Variants in NF1 observed in about 807,000 individuals in gnomAD.
NF1 encodes the protein neurofibromin.
In NF1, 122 loss-of-function variants were observed where a neutral mutation model predicts 325.7. That is an observed-to-expected ratio of 0.37 (90% CI 0.32 to 0.44). The LOEUF is 0.44. Ranked by LOEUF, NF1 falls within the 20% of genes least tolerant of loss-of-function variation. The pLI, the probability that NF1 is intolerant of heterozygous loss-of-function variation, is 1.00. For missense variants in NF1, 2,140 were observed against 3,415.4 expected (o/e 0.63, Z 9.31); for synonymous variants, 1,091 against 1,186.0 (o/e 0.92, Z 1.65).
intron 27 of NF1, among the ~76,000 whole-genome samples, chr17:31,235,388 G>C (rs1202347001): frequency 6.6e-6 from 1 of 152,012 alleles, no homozygotes; most frequent in South Asian, 2.1e-4. Flanking sequence ...AGCTTTTACC[G>C]GTTAATCCTT....
At chr17:31,363,424 CCTT>C (rs2070441320) in intron 57 of NF1, among the ~76,000 whole-genome samples, 1 of 148,204 alleles carries the variant, frequency 6.7e-6, no homozygotes, top group Non-Finnish European at 1.5e-5. Flanking sequence ...AATCTTATAT[CCTT>C]ATCTCTCTCT....
intron 35 of NF1, 73 bp downstream of exon 35, chr17:31,261,930 G>C: frequency 6.9e-7 from 1 of 1,458,274 alleles, no homozygotes; most frequent in South Asian, 1.1e-5. Flanking sequence ...CAGGCCACTT[G>C]TTAGATATGA....
intron 20 of NF1, among the ~76,000 whole-genome samples, 169 bp downstream of exon 20, chr17:31,227,775 G>T (rs1048967276): frequency 3.9e-5 from 6 of 152,154 alleles, no homozygotes; most frequent in African/African-American, 1.4e-4. Context: ...GTAGCTACTA[G>T]CTATGTGTGA....
rs1555536144 is a variant in NF1, at chr17:31,350,278, A to G, written c.7417A>G (p.Met2473Val). Residue 2473 changes from methionine to valine, a missense_variant, in exon 50 of 58, where the codon ATG (methionine) becomes GTG (valine). Met to Val is a conservative substitution (Grantham distance 21). This residue lies in a region of NF1 where 522 missense variants were observed against 749.0 expected (regional missense o/e 0.70). Transcript: ENST00000358273. ...LTDISMENVP[M>V]DTYPIHHGDP... Reference sequence around the variant, plus strand: ...TGATATTTCAATGGAAAATGTTCCTATGGATACATATCCCATTCATCATGG... The same window carrying G: ...TGATATTTCAATGGAAAATGTTCCTGTGGATACATATCCCATTCATCATGG... The G allele has an allele frequency of 1.2e-6, 2 of 1,613,290 alleles. No homozygotes were observed. Among genetic ancestry groups the G allele is most frequent in the Non-Finnish European group, 1.7e-6 (2 of 1,179,310 alleles).
intron 1 of NF1, among the ~76,000 whole-genome samples, chr17:31,106,353 C>T (rs946084094): frequency 6.6e-6 from 1 of 152,042 alleles, no homozygotes; most frequent in Admixed American, 6.6e-5. Flanking sequence ...AGCATCTGTG[C>T]AGTATTTTTT....
chr17:31,227,341 T>G, intron 19 of NF1, 50 bp downstream of exon 19: 2 of 1,584,166 alleles, frequency 1.3e-6, no homozygotes, highest in Non-Finnish European at 1.7e-6. Flanking sequence ...ACCCTCAATT[T>G]GGAAGCCTCT....
chr17:31,193,538 C>T (rs1298503378), intron 8 of NF1, among the ~76,000 whole-genome samples: 4 of 152,082 alleles, frequency 2.6e-5, no homozygotes, highest in African/African-American at 2.4e-5. Flanking sequence ...AAAAAATTAA[C>T]GTTATTGCAA....
chr17:31,166,975 A>T (rs2905808), intron 4 of NF1, among the ~76,000 whole-genome samples: 128,005 of 152,150 alleles, frequency 0.84, 54,488 homozygotes, highest in African/African-American at 0.95. Flanking sequence ...GTATGCCTAG[A>T]CTTTCTAGCT....
chr17:31,375,039 TC>T lies in NF1; in HGVS notation c.*889del. ...ATATATATATATATATTTTTTCCCC[TC>T]CCCCTCTTCTTTCCTAACTAATTCT... On this transcript the variant is annotated 3_prime_UTR_variant, in exon 58 of 58. Coordinates refer to ENST00000358273, the MANE Select transcript of NF1 (RefSeq NM_001042492.3). The T allele has an allele frequency of 4.9e-6, 1 of 206,060 alleles. No individual in the cohort carries two copies. Among genetic ancestry groups the T allele is most frequent in the Non-Finnish European group, 9.9e-6 (1 of 100,552 alleles). The allele number at this position is 206,060 out of a possible 1,614,324, so 12.8% of individuals were successfully genotyped here.
intron 1 of NF1, among the ~76,000 whole-genome samples, chr17:31,098,933 GAA>G (rs556393516): frequency 2.0e-5 from 2 of 100,356 alleles, no homozygotes; most frequent in Admixed American, 1.1e-4. Context: ...CTCCATCTCA[GAA>G]AAAAAAAAAA....
chr17:31,187,920 C>T (rs1393348497), intron 8 of NF1, among the ~76,000 whole-genome samples: 3 of 152,164 alleles, frequency 2.0e-5, no homozygotes, highest in Non-Finnish European at 4.4e-5. Context: ...AAGGGAGTTA[C>T]AGTGTTGGCT....
intron 29 of NF1, among the ~76,000 whole-genome samples, chr17:31,247,415 G>C (rs2067414319): frequency 6.6e-6 from 1 of 152,114 alleles, no homozygotes; most frequent in Admixed American, 6.5e-5. Context: ...CTAGCAGTTA[G>C]AAATGTCAGA....
chr17:31,156,490 A>G (rs1200020727), intron 2 of NF1, among the ~76,000 whole-genome samples: 1 of 152,040 alleles, frequency 6.6e-6, no homozygotes, highest in Non-Finnish European at 1.5e-5. Flanking sequence ...CATTACACAT[A>G]TTTTTCTTTA....
At chr17:31,177,498 G>A (rs1210664343) in intron 5 of NF1, among the ~76,000 whole-genome samples, 1 of 152,026 alleles carries the variant, frequency 6.6e-6, no homozygotes, top group Non-Finnish European at 1.5e-5. Flanking sequence ...GCAAAGGAAC[G>A]AAACTGGACA....
intron 27 of NF1, among the ~76,000 whole-genome samples, chr17:31,233,415 A>G (rs1355297352): frequency 1.3e-5 from 2 of 152,166 alleles, no homozygotes; most frequent in Non-Finnish European, 1.5e-5. Flanking sequence ...ATTTCATCCT[A>G]CTAAAAAATT....
intron 51 of NF1, among the ~76,000 whole-genome samples, chr17:31,353,149 T>C (rs888141128): frequency 6.6e-6 from 1 of 152,118 alleles, no homozygotes; most frequent in African/African-American, 2.4e-5. Flanking sequence ...CCTCAGGTGA[T>C]ACACCCTCCT....
intron 3 of NF1, among the ~76,000 whole-genome samples, chr17:31,160,971 G>T: frequency 6.6e-6 from 1 of 152,104 alleles, no homozygotes; most frequent in East Asian, 1.9e-4. Flanking sequence ...AAAAAGTAAT[G>T]CTATTTATAT....
Position 31,152,821 on chromosome 17 carries a change from C to A in NF1, c.61-3162C>A, listed in dbSNP as rs188610496. Reference sequence around the variant, plus strand: ...AAACTTTGATTTTCTGTTGTTTAGACCCTTATTTTTATGTTTTTCTGTTTC... The same window carrying A: ...AAACTTTGATTTTCTGTTGTTTAGAACCTTATTTTTATGTTTTTCTGTTTC... On this transcript the variant is annotated intron_variant, in intron 1 of 57. Transcript: ENST00000358273. Among the ~76,000 whole-genome samples, 319 of 151,304 alleles carry A rather than the reference C, an allele frequency of 2.1e-3. 1 individual carries two copies. The highest frequency in any genetic ancestry group is 3.4e-3 in the Middle Eastern group (1 of 294).
At position 31,338,721 on chromosome 17, in the gene NF1, A is replaced by C. The variant is rs144287929; in HGVS notation, c.6837A>C (p.Leu2279Phe). 3 of 1,612,848 alleles carry C rather than the reference A, an allele frequency of 1.9e-6. No individual in the cohort carries two copies. The African/African-American group carries it at 4.0e-5, about 22-fold the overall frequency. Residue 2279 changes from leucine to phenylalanine, a missense_variant, in exon 46 of 58, where the codon TTA becomes TTC. Around this residue, in one of 10 missense-constraint regions of NF1, gnomAD observed 522 missense variants for 749.0 expected, o/e 0.70. Coordinates refer to ENST00000358273, the MANE Select transcript of NF1 (RefSeq NM_001042492.3). ...RILSKALESC[L>F]KGPDTYNSQV... is the part of the protein sequence containing the mutation. ...CCTAAAAGGCACTTGAGAGTTGCTT[A>C]AAAGGACCTGACACTTACAACAGTC...
Sources: gnomAD v4.1 joint callset for allele counts (sites outside exome capture counted in the v4.1 genomes callset) on GRCh38, gnomAD v4.1.1 for gene constraint, gnomAD v4.1.1 regional missense constraint, MANE v1.5 for transcripts, NCBI Gene and HGNC (gene_info 2026-07-23, HGNC 2026-07-21) for gene names.